ZDHHC17: variants seen among roughly 807,000 people sequenced by gnomAD.
ZDHHC17 encodes zDHHC palmitoyltransferase 17, also known as palmitoyltransferase ZDHHC17.
ZDHHC17 carries 40 observed loss-of-function variants against 90.3 expected under a neutral mutation model. The ratio of observed to expected loss-of-function variants is 0.44; its 90% CI spans 0.34 to 0.58. ZDHHC17 has a LOEUF of 0.58. ZDHHC17 is among the 20% of genes least tolerant of loss of function. ZDHHC17 has a pLI of 0.01. For synonymous variants in ZDHHC17, 235 were observed against 252.4 expected, an observed-to-expected ratio of 0.93 and a Z score of 0.65; for missense variants, 614 against 780.8, an observed-to-expected ratio of 0.79 and a Z score of 2.55.
chr12:76,833,214 T>C (rs1054256186), intron 10 of ZDHHC17, among the ~76,000 whole-genome samples: 1 of 152,208 alleles, frequency 6.6e-6, no homozygotes, highest in Non-Finnish European at 1.5e-5. Context: ...TTTTCAGATA[T>C]ATCATTTTAC....
At chr12:76,817,981 C>T (rs935606240) in intron 7 of ZDHHC17, among the ~76,000 whole-genome samples, 2 of 151,986 alleles carry the variant, frequency 1.3e-5, no homozygotes, top group Non-Finnish European at 2.9e-5. Context: ...ATTATTGTAC[C>T]TTAGAGCTTT....
intron 7 of ZDHHC17, among the ~76,000 whole-genome samples, chr12:76,817,330 T>C (rs1007959466): frequency 6.6e-6 from 1 of 152,094 alleles, no homozygotes; most frequent in Non-Finnish European, 1.5e-5. Context: ...TTATCTGAAT[T>C]CAGAGTGTTA....
At chr12:76,764,803 G>A (rs1952412656) in intron 1 of ZDHHC17, 1 of 456,940 alleles carries the variant, frequency 2.2e-6, no homozygotes, top group Non-Finnish European at 4.4e-6. Flanking sequence ...GCATAGTGAT[G>A]TCCTTCCAGG....
intron 16 of ZDHHC17, chr12:76,849,744 A>G (rs766993248): frequency 1.5e-5 from 3 of 202,658 alleles, no homozygotes; most frequent in Non-Finnish European, 2.9e-5. Context: ...AGTATATGAA[A>G]TATTTAAAAC....
chr12:76,843,557 AGAG>A (rs1416800154), intron 12 of ZDHHC17, among the ~76,000 whole-genome samples: 4 of 152,104 alleles, frequency 2.6e-5, no homozygotes, highest in African/African-American at 4.8e-5. Flanking sequence ...ATTTATTAAT[AGAG>A]TCAGGTATAG....
At chr12:76,769,793 A>G (rs948136910) in intron 1 of ZDHHC17, among the ~76,000 whole-genome samples, 4 of 152,192 alleles carry the variant, frequency 2.6e-5, no homozygotes, top group Admixed American at 2.0e-4. Flanking sequence ...TTAAAATGTG[A>G]TTAATTGGTG....
intron 12 of ZDHHC17, among the ~76,000 whole-genome samples, chr12:76,843,423 TG>T (rs869209777): frequency 1.4e-5 from 2 of 145,936 alleles, no homozygotes; most frequent in African/African-American, 4.9e-5. Context: ...TTTGAGTAGG[TG>T]GTTTTTTTTG....
intron 11 of ZDHHC17, 111 bp downstream of exon 11, chr12:76,842,217 T>C: frequency 8.5e-7 from 1 of 1,181,948 alleles, no homozygotes; most frequent in Non-Finnish European, 1.1e-6. Flanking sequence ...AAAGAAGTTT[T>C]AAGCTAAATT....
intron 1 of ZDHHC17, among the ~76,000 whole-genome samples, chr12:76,778,369 A>G (rs1161918072): frequency 1.3e-5 from 2 of 152,082 alleles, no homozygotes; most frequent in Non-Finnish European, 2.9e-5. Flanking sequence ...ACAGGCATGC[A>G]CCACCACACC....
chr12:76,782,698 G>C (rs939974936), intron 1 of ZDHHC17, among the ~76,000 whole-genome samples: 1 of 152,160 alleles, frequency 6.6e-6, no homozygotes, highest in South Asian at 2.1e-4. Context: ...AGTCTTGTCA[G>C]AGAAAGCCAG....
At chr12:76,795,180 G>A (rs769263500) in intron 1 of ZDHHC17, among the ~76,000 whole-genome samples, 3 of 151,884 alleles carry the variant, frequency 2.0e-5, no homozygotes, top group Non-Finnish European at 4.4e-5. Context: ...TGATTCTGAT[G>A]CTGTCTCTGT....
chr12:76,813,225 A>C, intron 5 of ZDHHC17: 1 of 317,138 alleles, frequency 3.2e-6, no homozygotes. Context: ...GGAAATTAGG[A>C]GTAAAAGAAG....
At chr12:76,765,226 G>C (rs76441593) in intron 1 of ZDHHC17, among the ~76,000 whole-genome samples, 4,187 of 152,320 alleles carry the variant, frequency 0.027, 191 homozygotes, top group African/African-American at 0.093. Flanking sequence ...CGTGTTGTAG[G>C]ATGAACAAAC....
chr12:76,805,416 C>G lies in ZDHHC17; in HGVS notation c.297C>G (p.Ile99Met). The G allele has an allele frequency of 6.3e-7, 1 of 1,591,326 alleles. No homozygotes were observed. The highest frequency in any genetic ancestry group is 8.6e-7 in the Non-Finnish European group (1 of 1,166,752). The change falls in exon 3 of 17, where the codon ATC (isoleucine) becomes ATG (methionine). Residue 99 changes from isoleucine (I) to methionine (M), a missense_variant. Coordinates refer to ENST00000426126, the MANE Select transcript of ZDHHC17 (RefSeq NM_015336.4). ...ENVTLLHWAA[I>M]NNRIDLVKYY... Reference sequence around the variant, plus strand: ...TTACCCTCCTCCATTGGGCTGCCATCAATAACAGAATAGATTTAGTCAAGT... The same window carrying G: ...TTACCCTCCTCCATTGGGCTGCCATGAATAACAGAATAGATTTAGTCAAGT...
intron 1 of ZDHHC17, chr12:76,781,527 G>T (rs990106833): frequency 1.1e-5 from 5 of 435,596 alleles, no homozygotes; most frequent in African/African-American, 1.0e-4. Flanking sequence ...GAGTGAGTTT[G>T]TTACTCGAGA....
intron 1 of ZDHHC17, among the ~76,000 whole-genome samples, chr12:76,775,873 T>C (rs1423393089): frequency 6.6e-6 from 1 of 152,192 alleles, no homozygotes; most frequent in East Asian, 1.9e-4. Flanking sequence ...ATTATAAATA[T>C]TCATTAATCT....
chr12:76,808,880 CTGCTAAATA>C (rs964974510), intron 3 of ZDHHC17, among the ~76,000 whole-genome samples, 154 bp from the exon 4 acceptor site: 18 of 150,846 alleles, frequency 1.2e-4, no homozygotes, highest in Admixed American at 9.3e-4. Context: ...ATATAAAATT[CTGCTAAATA>C]TGTTTTTTAA....
In ZDHHC17 at chr12:76,822,301, A is replaced by G. The variant is rs1263485521; in HGVS notation, c.772-105A>G. On this transcript the variant is annotated intron_variant, in intron 7 of 16. Transcript: ENST00000426126. ...TAGTAATTTACACAATGTCAAAACA[A>G]CGTTAATAGGGCAGTAAATTAATTT... The G allele has an allele frequency of 6.3e-6, 9 of 1,435,402 alleles. No individual in the cohort carries two copies. The African/African-American group carries it at 1.2e-4, about 18-fold the overall frequency. 88.9% of individuals were successfully genotyped at this position (1,435,402 alleles called of 1,614,324 possible). A position where few individuals can be genotyped will look rare whatever the true frequency, so the allele number is the denominator to read the frequency against.
chr12:76,772,667 T>G (rs1952508090), intron 1 of ZDHHC17, among the ~76,000 whole-genome samples: 1 of 150,920 alleles, frequency 6.6e-6, no homozygotes, highest in Non-Finnish European at 1.5e-5. Context: ...CCTGAGTAGC[T>G]GGGATTACAA....
Sources: gnomAD v4.1 joint callset for allele counts (sites outside exome capture counted in the v4.1 genomes callset) on GRCh38, gnomAD v4.1.1 for gene constraint, MANE v1.5 for transcripts, NCBI Gene and HGNC (gene_info 2026-07-23, HGNC 2026-07-21) for gene names.